Variants in CARS2 observed in about 807,000 individuals in gnomAD.
The protein encoded by CARS2 is cysteinyl-tRNA synthetase 2, mitochondrial, also known as probable cysteine--tRNA ligase, mitochondrial.
A neutral mutation model predicts 68.8 loss-of-function variants in CARS2; 52 were observed. That is an observed-to-expected ratio of 0.76 (90% CI 0.61 to 0.95). The LOEUF (loss-of-function observed/expected upper bound fraction) is 0.95. CARS2 is among the 40% of genes least tolerant of loss of function. The pLI is 0.00. For missense variants in CARS2, 780 were observed against 754.2 expected, an observed-to-expected ratio of 1.03 and a Z score of -0.40; for synonymous variants, 314 against 303.6, an observed-to-expected ratio of 1.03 and a Z score of -0.36.
At position 110,706,113 on chromosome 13, in the gene CARS2, G is replaced by T. The variant is rs995258127; in HGVS notation, c.-20C>A. The T allele has an allele frequency of 7.8e-7, 1 of 1,285,592 alleles. No individual in the cohort carries two copies. The highest frequency in any genetic ancestry group is 9.8e-7 in the Non-Finnish European group (1 of 1,018,770). The allele number at this position is 1,285,592 out of a possible 1,614,324, so 79.6% of individuals were successfully genotyped here. ...CAACATGTCAGCGGCCAGCGCCTAC[G>T]ACTGGGCGGAGACGGGAGCCACGCC... On this transcript the variant is annotated 5_prime_UTR_variant, in exon 1 of 15. Coordinates refer to ENST00000257347, the MANE Select transcript of CARS2 (RefSeq NM_024537.4).
chr13:110,647,598 G>A (rs1356389409), intron 10 of CARS2, among the ~76,000 whole-genome samples: 7 of 152,214 alleles, frequency 4.6e-5, no homozygotes, highest in Admixed American at 4.6e-4. Context: ...TGAATGGCTA[G>A]CTCTGGAAAG....
At chr13:110,713,455 T>G in exon 1 of CARS2, 1 of 990,826 alleles carries the variant, frequency 1.0e-6, no homozygotes, top group Non-Finnish European at 1.2e-6. Context: ...AGTTTGCGCC[T>G]CGCCCGCCGT....
chr13:110,695,218 C>T (rs952784962), intron 3 of CARS2, among the ~76,000 whole-genome samples: 10 of 151,942 alleles, frequency 6.6e-5, no homozygotes, highest in African/African-American at 2.4e-4. Flanking sequence ...GAGGGTGAGG[C>T]TGTAGTGAGC....
chr13:110,673,135 G>T (rs144955355), intron 7 of CARS2, among the ~76,000 whole-genome samples: 2 of 152,158 alleles, frequency 1.3e-5, no homozygotes, highest in Non-Finnish European at 2.9e-5. Flanking sequence ...TCTACCAGAG[G>T]TACAAGGAGG....
At chr13:110,681,009 C>A (rs924959821) in intron 6 of CARS2, among the ~76,000 whole-genome samples, 13 of 152,344 alleles carry the variant, frequency 8.5e-5, no homozygotes, top group Middle Eastern at 3.4e-3. Context: ...TTGTTGTCTC[C>A]TTCCACTAGG....
chr13:110,692,024 A>ATG, intron 3 of CARS2, among the ~76,000 whole-genome samples: 1 of 59,676 alleles, frequency 1.7e-5, no homozygotes, highest in Non-Finnish European at 3.7e-5. Context: ...ATATATATAT[A>ATG]CACACACACA....
chr13:110,700,052 A>G (rs893602598), intron 3 of CARS2, among the ~76,000 whole-genome samples: 2 of 152,252 alleles, frequency 1.3e-5, no homozygotes, highest in African/African-American at 4.8e-5. Flanking sequence ...AGATAGCTGA[A>G]GTCAGAGCTG....
chr13:110,666,315 A>G (rs2062646638), intron 8 of CARS2: 9 of 985,416 alleles, frequency 9.1e-6, no homozygotes, highest in Non-Finnish European at 1.1e-5. Context: ...GATTTCAGCT[A>G]GTGCTGAGCC....
At chr13:110,695,402 A>G (rs191715072) in intron 3 of CARS2, among the ~76,000 whole-genome samples, 1 of 152,336 alleles carries the variant, frequency 6.6e-6, no homozygotes, top group African/African-American at 2.4e-5. Context: ...AGTATATGGG[A>G]AGATGTGCAT....
intron 7 of CARS2, among the ~76,000 whole-genome samples, chr13:110,672,572 A>G (rs1391964449): frequency 6.6e-6 from 1 of 152,264 alleles, no homozygotes; most frequent in Non-Finnish European, 1.5e-5. Context: ...AGCAGTGTGT[A>G]GAGGGAAATT....
intron 3 of CARS2, among the ~76,000 whole-genome samples, chr13:110,692,041 T>C (rs963981107): frequency 2.0e-4 from 28 of 137,306 alleles, no homozygotes; most frequent in Non-Finnish European, 2.8e-4. Context: ...CACACATATA[T>C]ATATATACAC....
exon 1 of CARS2, chr13:110,713,266 A>T: frequency 7.6e-7 from 1 of 1,315,354 alleles, no homozygotes; most frequent in South Asian, 2.1e-5. Flanking sequence ...ACGAAGAGTC[A>T]GGGGCTGAGG....
At chr13:110,706,166 G>A (rs1466621513), upstream of CARS2, 5 of 1,095,350 alleles carry the variant, frequency 4.6e-6, no homozygotes, top group Admixed American at 4.6e-5. Context: ...CTCAAGAGCA[G>A]CACGGCCCCG....
At chr13:110,674,869 T>C (rs553989516) in intron 7 of CARS2, among the ~76,000 whole-genome samples, 1 of 151,616 alleles carries the variant, frequency 6.6e-6, no homozygotes, top group Admixed American at 6.6e-5. Flanking sequence ...CAAGAAAAAA[T>C]CAAACAACCC....
intron 3 of CARS2, among the ~76,000 whole-genome samples, chr13:110,688,539 C>T (rs558004971): frequency 1.3e-5 from 2 of 152,308 alleles, no homozygotes; most frequent in South Asian, 2.1e-4. Flanking sequence ...TCACCCTAGT[C>T]CAGTCTGTAT....
At chr13:110,711,656 C>A (rs1052119062) in intron 1 of CARS2, among the ~76,000 whole-genome samples, 5 of 152,216 alleles carry the variant, frequency 3.3e-5, no homozygotes, top group African/African-American at 1.2e-4. Flanking sequence ...AATATCAAAG[C>A]CAAAGCTCTC....
intron 12 of CARS2, 137 bp downstream of exon 12, chr13:110,645,830 C>A: frequency 8.6e-7 from 1 of 1,169,160 alleles, no homozygotes; most frequent in East Asian, 2.6e-5. Flanking sequence ...GACTCGGGCT[C>A]CATGAGTTCC....
At chr13:110,677,564 C>CCAGACAGTCACCCCCACCATGGAAACA (rs775660886) in intron 6 of CARS2, among the ~76,000 whole-genome samples, 4 of 86,434 alleles carry the variant, frequency 4.6e-5, no homozygotes, top group South Asian at 5.0e-4. Context: ...CCACGGAAAC[C>CCAGACAGTCACCCCCACCATGGAAACA]CAGACAGTCA....
chr13:110,708,616 G>C (rs2064002472), upstream of CARS2, among the ~76,000 whole-genome samples: 1 of 151,870 alleles, frequency 6.6e-6, no homozygotes, highest in Non-Finnish European at 1.5e-5. Flanking sequence ...ACCCAGGCTG[G>C]AGTGCAGTGG....
Sources: allele counts gnomAD v4.1 joint callset (sites outside exome capture counted in the v4.1 genomes callset), GRCh38; gene constraint gnomAD v4.1.1; transcripts MANE v1.5; gene names NCBI Gene and HGNC (gene_info 2026-07-23, HGNC 2026-07-21).